Variants in TENM2 observed in about 807,000 individuals in gnomAD.
TENM2 encodes the protein teneurin-2.
In TENM2, 52 loss-of-function variants were observed where a neutral mutation model predicts 245.2. That is an observed-to-expected ratio of 0.21 (90% CI 0.17 to 0.27). TENM2 has a LOEUF of 0.27. TENM2 is among the 10% of genes least tolerant of loss of function. TENM2 has a pLI of 1.00. For synonymous variants in TENM2, 1,363 were observed against 1,438.9 expected (o/e 0.95, Z 1.19); for missense variants, 3,046 against 3,666.8 (o/e 0.83, Z 4.37).
the TENM2 span, among the ~76,000 whole-genome samples, chr5:167,036,197 G>A: frequency 6.6e-6 from 1 of 152,198 alleles, no homozygotes; most frequent in Non-Finnish European, 1.5e-5. Context: ...AAGTCTGGGA[G>A]GAGGAATTCT....
intron 5 of TENM2, among the ~76,000 whole-genome samples, chr5:168,025,335 A>C (rs1216656465): frequency 6.6e-6 from 1 of 152,254 alleles, no homozygotes; most frequent in Admixed American, 6.5e-5. Flanking sequence ...AGATTCATTA[A>C]AAGTTTTGAG....
At chr5:168,119,680 G>C (rs1441113123) in intron 10 of TENM2, among the ~76,000 whole-genome samples, 1 of 152,118 alleles carries the variant, frequency 6.6e-6, no homozygotes, top group African/African-American at 2.4e-5. Flanking sequence ...TCTTCCAGCT[G>C]AGGCTCCTTT....
intron 5 of TENM2, among the ~76,000 whole-genome samples, chr5:167,994,299 A>T (rs1783887965): frequency 2.0e-5 from 3 of 152,192 alleles, no homozygotes; most frequent in Admixed American, 6.5e-5. Flanking sequence ...ATTTAAGAGA[A>T]AAGAAAAGGC....
chr5:168,142,921 A>G (rs564910623), intron 12 of TENM2, among the ~76,000 whole-genome samples: 3 of 152,222 alleles, frequency 2.0e-5, no homozygotes, highest in South Asian at 4.1e-4. Context: ...CTCTCCACCC[A>G]CCTTTCACTG....
At chr5:167,398,684 C>A (rs1251285877) in intron 2 of TENM2, among the ~76,000 whole-genome samples, 1 of 152,114 alleles carries the variant, frequency 6.6e-6, no homozygotes, top group Non-Finnish European at 1.5e-5. Flanking sequence ...AAGTTATCCA[C>A]CTGCCTCGGC....
chr5:168,042,329 G>A (rs971662762), intron 5 of TENM2, among the ~76,000 whole-genome samples: 2 of 152,028 alleles, frequency 1.3e-5, no homozygotes, highest in Non-Finnish European at 2.9e-5. Flanking sequence ...TGCTCCTGGG[G>A]GCCTGCTCGG....
At chr5:167,316,544 G>A (rs768674773) in intron 1 of TENM2, among the ~76,000 whole-genome samples, 2 of 152,194 alleles carry the variant, frequency 1.3e-5, no homozygotes, top group South Asian at 4.1e-4. Flanking sequence ...TTTTCAGTTA[G>A]GTATGAGTAT....
intron 27 of TENM2, among the ~76,000 whole-genome samples, chr5:168,250,070 G>A (rs79478844): frequency 0.037 from 5,612 of 152,126 alleles, 152 homozygotes; most frequent in Middle Eastern, 0.071. Flanking sequence ...ATGGCTGGAT[G>A]GATGGCTGAC....
chr5:166,989,801 A>G, the TENM2 span, among the ~76,000 whole-genome samples: 1 of 150,444 alleles, frequency 6.6e-6, no homozygotes, highest in Non-Finnish European at 1.5e-5. Flanking sequence ...CTTAAGATCA[A>G]TGAGAACTTC....
chr5:167,019,407 A>G, the TENM2 span, among the ~76,000 whole-genome samples: 1 of 152,160 alleles, frequency 6.6e-6, no homozygotes, highest in African/African-American at 2.4e-5. Flanking sequence ...CAGCTTGGCA[A>G]TTTGGACCTG....
intron 5 of TENM2, among the ~76,000 whole-genome samples, chr5:168,025,181 A>T (rs1786493275): frequency 6.6e-6 from 1 of 152,200 alleles, no homozygotes; most frequent in Non-Finnish European, 1.5e-5. Flanking sequence ...AAAAAAATGT[A>T]TTGGGAGGTT....
intron 24 of TENM2, among the ~76,000 whole-genome samples, chr5:168,227,304 A>ATT (rs1330730062): frequency 1.3e-5 from 2 of 152,192 alleles, no homozygotes; most frequent in African/African-American, 4.8e-5. Context: ...TCCCTGATGT[A>ATT]TTTGAGTCTC....
At chr5:167,761,691 T>C (rs1762680518) in intron 2 of TENM2, among the ~76,000 whole-genome samples, 1 of 152,156 alleles carries the variant, frequency 6.6e-6, no homozygotes, top group Non-Finnish European at 1.5e-5. Flanking sequence ...AGACCATGGA[T>C]TGAGGACCAC....
rs191789164 is a variant in TENM2, at chr5:167,448,260, C to A, written c.502+72787C>A. 3.3e-5 allele frequency among the ~76,000 whole-genome samples: 5 copies of A among 152,054 alleles called. No homozygotes were observed. In the East Asian group the frequency reaches 7.8e-4, roughly 24 times the overall value. On this transcript the variant is annotated intron_variant, in intron 2 of 28. Transcript: ENST00000518659. Reference sequence around the variant, plus strand: ...CATGGATGTGAAAGGGGAGTTAGTGCCAGGGCAATTGTGCAAATGGTGAGG... The same window carrying A: ...CATGGATGTGAAAGGGGAGTTAGTGACAGGGCAATTGTGCAAATGGTGAGG...
chr5:167,207,191 G>C, the TENM2 span, among the ~76,000 whole-genome samples: 2 of 152,216 alleles, frequency 1.3e-5, no homozygotes, highest in Non-Finnish European at 2.9e-5. Flanking sequence ...CTCTTGGTGA[G>C]AAATTGGCAG....
the TENM2 span, among the ~76,000 whole-genome samples, chr5:167,123,318 ACT>A: frequency 6.6e-6 from 1 of 152,036 alleles, no homozygotes; most frequent in African/African-American, 2.4e-5. Flanking sequence ...ATAGAGCAAG[ACT>A]CTGTCTCAAA....
At chr5:168,255,566 A>G (rs35888677) in intron 27 of TENM2, among the ~76,000 whole-genome samples, 20,281 of 133,204 alleles carry the variant, frequency 0.15, 2,451 homozygotes, top group African/African-American at 0.36. Flanking sequence ...TCAGCCTCCC[A>G]AGTGCTGGGA....
chr5:167,313,662 CA>C (rs534476242), intron 1 of TENM2, among the ~76,000 whole-genome samples: 30 of 152,266 alleles, frequency 2.0e-4, no homozygotes, highest in Admixed American at 5.9e-4. Flanking sequence ...CTTAAGCCTC[CA>C]TTTCCTCCCC....
chr5:167,859,144 C>T lies in TENM2; in HGVS notation c.503-16842C>T, dbSNP rs1441494052. ...GCCGCCCCATCTGGGATGTGAGGAG[C>T]GCCTCTGCCCGGCCGAGACCCCGTC... On this transcript the variant is annotated intron_variant, in intron 2 of 28. Transcript: ENST00000518659. Among the ~76,000 whole-genome samples the T allele has an allele frequency of 4.6e-4, 50 of 109,206 alleles. No individual in the cohort carries two copies. In the East Asian group the frequency reaches 0.012, roughly 26 times the overall value. The allele number at this position is 109,206 out of a possible 152,430, so 71.6% of individuals were successfully genotyped here.
Sources: allele counts gnomAD v4.1 joint callset (sites outside exome capture counted in the v4.1 genomes callset), GRCh38; gene constraint gnomAD v4.1.1; transcripts MANE v1.5; gene names NCBI Gene and HGNC (gene_info 2026-07-23, HGNC 2026-07-21).